Variants in ANKMY1 observed in about 807,000 individuals in gnomAD.
ANKMY1 encodes ankyrin repeat and MYND domain-containing protein 1.
A neutral mutation model predicts 102.0 loss-of-function variants in ANKMY1; 98 were observed. That is an observed-to-expected ratio of 0.96 (90% confidence interval 0.82 to 1.14). ANKMY1 has a LOEUF of 1.14. Among genes scored for constraint, ANKMY1 ranks in the 50% most tolerant of loss-of-function variants. The probability of loss-of-function intolerance (pLI) is 0.00; values close to 1 mark genes in which losing one functional copy is unlikely to be tolerated. For synonymous variants in ANKMY1, 582 were observed against 559.9 expected (o/e 1.04, Z -0.56); for missense variants, 1,330 against 1,347.6 (o/e 0.99, Z 0.20).
chr2:240,557,159 T>C, intron 2 of ANKMY1, 31 bp downstream of exon 2: 8 of 1,436,464 alleles, frequency 5.6e-6, no homozygotes, highest in Non-Finnish European at 7.4e-6. Context: ...CAGGTCAGGG[T>C]CGGACCTCCC....
chr2:240,529,398 T>G lies in ANKMY1; in HGVS notation c.592A>C (p.Ile198Leu). The G allele has an allele frequency of 6.2e-7, 1 of 1,614,100 alleles. No homozygotes were observed. Among genetic ancestry groups the G allele is most frequent in the East Asian group, 2.2e-5 (1 of 44,874 alleles). Residue 198 changes from isoleucine to leucine, a missense_variant, in exon 5 of 18, where the codon ATC (isoleucine) becomes CTC (leucine). Transcript: ENST00000401804. The surrounding 1 kb of genome is among the most constrained non-coding windows in gnomAD (Gnocchi z 4.2). ...CTGAGGAGGGAGAAGCCACTGGGGA[T>G]CTGGGTGCACAGCTTGATGAGCTGC... ...REQLIKLCTQIPSGFSLLRYP... is the reference protein window; with the variant it reads ...REQLIKLCTQLPSGFSLLRYP...
intron 7 of ANKMY1, among the ~76,000 whole-genome samples, chr2:240,525,419 C>A (rs574093316): frequency 6.6e-6 from 1 of 152,266 alleles, no homozygotes; most frequent in African/African-American, 2.4e-5. Context: ...CTCCACAGCA[C>A]CCCTTTCCTG....
At chr2:240,473,131 A>AC in the ANKMY1 span, among the ~76,000 whole-genome samples, 17 of 150,480 alleles carry the variant, frequency 1.1e-4, no homozygotes, top group South Asian at 6.3e-4. Context: ...TCTAAAAAAA[A>AC]AAAAAAAACA....
At chr2:240,473,681 A>T in the ANKMY1 span, among the ~76,000 whole-genome samples, 41 of 152,350 alleles carry the variant, frequency 2.7e-4, no homozygotes, top group Middle Eastern at 3.4e-3. Flanking sequence ...TTCCATATGG[A>T]TGTGGATATA....
intron 4 of ANKMY1, among the ~76,000 whole-genome samples, chr2:240,543,357 A>C (rs2152534527): frequency 6.6e-6 from 1 of 152,030 alleles, no homozygotes; most frequent in African/African-American, 2.4e-5. Context: ...TTTCTCAAAA[A>C]AAAAAAAAAA....
Position 240,491,024 on chromosome 2 carries a change from A to C in ANKMY1, c.2807-8763T>G, listed in dbSNP as rs1287809752. ...ATCTGGGTGCTCCAGTGTTGGGTGC[A>C]TATATATTTAGCATTGTTATATCCT... is the stretch of plus-strand genomic sequence containing the variant. On this transcript the variant is annotated intron_variant, in intron 15 of 17. Coordinates refer to ENST00000401804, the MANE Select transcript of ANKMY1 (RefSeq NM_001282771.3). Among the ~76,000 whole-genome samples the C allele has an allele frequency of 2.0e-5, 3 of 151,120 alleles. No homozygotes were observed. In the East Asian group the frequency reaches 5.8e-4, roughly 29 times the overall value.
intron 15 of ANKMY1, among the ~76,000 whole-genome samples, chr2:240,485,327 C>CAAAA (rs774451503): frequency 8.5e-6 from 1 of 117,646 alleles, no homozygotes. Flanking sequence ...GACTCCGTCT[C>CAAAA]AAAGAAAAAA....
Position 240,512,018 on chromosome 2 carries a change from G to C in ANKMY1, c.2146-17C>G. 1 of 1,521,860 alleles carries C rather than the reference G, an allele frequency of 6.6e-7. No homozygotes were observed. Among genetic ancestry groups the C allele is most frequent in the Non-Finnish European group, 8.7e-7 (1 of 1,147,772 alleles). 94.3% of individuals were successfully genotyped at this position (1,521,860 alleles called of 1,614,324 possible). ...CAGGTCCAGCTGTGTAAAACGGAGG[G>C]CTCCGCCAGCGCCCACGGACCTGCC... On this transcript the variant is annotated splice_polypyrimidine_tract_variant and intron_variant, in intron 10 of 17. Coordinates refer to ENST00000401804, the MANE Select transcript of ANKMY1 (RefSeq NM_001282771.3).
At chr2:240,512,134 G>T in intron 10 of ANKMY1, 133 bp from the exon 11 acceptor site, 1 of 1,141,914 alleles carries the variant, frequency 8.8e-7, no homozygotes. Context: ...CTTGAAGGCG[G>T]ATGCCTGACT....
chr2:240,525,494 A>G (rs1438455001), intron 7 of ANKMY1, among the ~76,000 whole-genome samples, 191 bp downstream of exon 7: 2 of 152,174 alleles, frequency 1.3e-5, no homozygotes, highest in African/African-American at 2.4e-5. Flanking sequence ...TAAAGAACAC[A>G]CATACCTTGG....
At chr2:240,517,215 T>G (rs2081352058) in intron 9 of ANKMY1, among the ~76,000 whole-genome samples, 2 of 152,206 alleles carry the variant, frequency 1.3e-5, no homozygotes, top group South Asian at 4.1e-4. Context: ...GCAGATTGCT[T>G]TGAGAAATTG....
intron 2 of ANKMY1, chr2:240,555,368 G>A (rs930574404): frequency 2.1e-5 from 8 of 375,654 alleles, no homozygotes; most frequent in Non-Finnish European, 2.5e-5. Context: ...GAGATCGATG[G>A]CCCTCTGTCC....
In ANKMY1 at chr2:240,509,364, G is replaced by GC; in HGVS notation, c.2377dup (p.Ala793GlyfsTer5). On this transcript the variant is annotated frameshift_variant, in exon 12 of 18. Coordinates refer to ENST00000401804, the MANE Select transcript of ANKMY1 (RefSeq NM_001282771.3). LOFTEE classifies it high-confidence loss of function. ...CATGCTCACCAGCTCATTCCCACTG[G>GC]CAATGGACAGGGAGAGCGGGGAGTG... 1 of 1,613,312 alleles carries GC rather than the reference G, an allele frequency of 6.2e-7. No homozygotes were observed. The highest frequency in any genetic ancestry group is 1.3e-5 in the African/African-American group (1 of 74,996).
At chr2:240,521,529 T>C (rs2082276564) in intron 8 of ANKMY1, among the ~76,000 whole-genome samples, 1 of 120,370 alleles carries the variant, frequency 8.3e-6, no homozygotes. Context: ...TGAGACAGTC[T>C]CGCCCTGTCG....
At chr2:240,560,207 A>G (rs1435318840), upstream of ANKMY1, 2 of 154,836 alleles carry the variant, frequency 1.3e-5, no homozygotes, top group Admixed American at 6.5e-5. Flanking sequence ...GGGTGAAGAC[A>G]CGGGAACCAC....
chr2:240,486,073 A>G (rs2076028249), intron 15 of ANKMY1, among the ~76,000 whole-genome samples: 1 of 152,216 alleles, frequency 6.6e-6, no homozygotes, highest in South Asian at 2.1e-4. Context: ...ATATAATTTT[A>G]TGTATTCTAA....
intron 5 of ANKMY1, 100 bp downstream of exon 5, chr2:240,528,937 G>C: frequency 9.3e-7 from 1 of 1,072,792 alleles, no homozygotes; most frequent in Admixed American, 2.0e-5. Context: ...CACCCTGAGG[G>C]AGCACTGTCA....
At position 240,507,580 on chromosome 2, in the gene ANKMY1, T is replaced by C. The variant is rs553748723; in HGVS notation, c.2506A>G (p.Met836Val). The C allele has an allele frequency of 4.8e-5, 78 of 1,609,556 alleles. No homozygotes were observed. The African/African-American group carries it at 7.3e-4, about 15-fold the overall frequency. Reference protein sequence around the residue: ...CDLTYEHQRNMDSKLALIDRL... With the variant: ...CDLTYEHQRNVDSKLALIDRL... ...CTCACCAGGGCCAGCTTGCTGTCCA[T>C]GTTCCTCTGGTGCTCGTAGGTCAGG... is the stretch of plus-strand genomic sequence containing the variant. The change falls in exon 13 of 18, where the codon ATG (methionine) becomes GTG (valine). Residue 836 changes from methionine (M) to valine (V), a missense_variant. Transcript: ENST00000401804.
chr2:240,523,730 G>A lies in ANKMY1; in HGVS notation c.1832+155C>T, dbSNP rs115216063. Reference sequence around the variant, plus strand: ...GCACCCCCACAGGGCTGGCCATGGCGTGGAGCCACCGACACAGGGATGCTC... The same window carrying A: ...GCACCCCCACAGGGCTGGCCATGGCATGGAGCCACCGACACAGGGATGCTC... On this transcript the variant is annotated intron_variant, in intron 8 of 17. Coordinates refer to ENST00000401804, the MANE Select transcript of ANKMY1 (RefSeq NM_001282771.3). 8.8e-3 allele frequency: 11,197 copies of A among 1,270,974 alleles called. 71 individuals are homozygous for A. The highest frequency in any genetic ancestry group is 9.9e-3 in the Non-Finnish European group (9,341 of 944,138). The allele number at this position is 1,270,974 out of a possible 1,614,324, so 78.7% of individuals were successfully genotyped here. A position where few individuals can be genotyped will look rare whatever the true frequency, so the allele number is the denominator to read the frequency against.
Sources: allele counts gnomAD v4.1 joint callset (sites outside exome capture counted in the v4.1 genomes callset), GRCh38; gene constraint gnomAD v4.1.1; non-coding constraint Gnocchi (gnomAD v3.1); transcripts MANE v1.5; gene names NCBI Gene and HGNC (gene_info 2026-07-23, HGNC 2026-07-21).